The following MED27 variants were observed in gnomAD, a reference collection of about 807,000 sequenced individuals.
MED27 encodes the protein mediator complex subunit 27.
Under a neutral mutation model 38.2 loss-of-function variants are expected in MED27, and 30 were observed. The ratio of observed to expected loss-of-function variants is 0.79; its 90% CI spans 0.59 to 1.07. The LOEUF is 1.07. MED27 is among the 50% of genes least tolerant of loss of function. MED27 has a pLI of 0.00. For missense variants in MED27, 289 were observed against 397.5 expected, an observed-to-expected ratio of 0.73 and a Z score of 2.32; for synonymous variants, 122 against 153.5, an observed-to-expected ratio of 0.79 and a Z score of 1.52.
intron 3 of MED27, 101 bp downstream of exon 3, chr9:132,014,236 G>C: frequency 7.7e-7 from 1 of 1,292,080 alleles, no homozygotes; most frequent in Non-Finnish European, 1.1e-6. Context: ...AAGGGAGGGA[G>C]GGAATTTTGA....
At chr9:132,072,346 T>C (rs1207205467) in intron 2 of MED27, among the ~76,000 whole-genome samples, 2 of 152,148 alleles carry the variant, frequency 1.3e-5, no homozygotes, top group Non-Finnish European at 2.9e-5. Flanking sequence ...TTTTTTCCCT[T>C]GTATCAAGGG....
chr9:132,039,449 C>G (rs1171320298), intron 2 of MED27, among the ~76,000 whole-genome samples: 1 of 152,182 alleles, frequency 6.6e-6, no homozygotes, highest in African/African-American at 2.4e-5. Context: ...CATGGTGCCC[C>G]GCACATGGCA....
Position 131,862,998 on chromosome 9 carries a change from C to T in MED27, c.801+65G>A. The T allele has an allele frequency of 7.0e-7, 1 of 1,423,586 alleles. No individual in the cohort carries two copies. The highest frequency in any genetic ancestry group is 1.2e-5 in the South Asian group (1 of 85,508). 88.2% of individuals were successfully genotyped at this position (1,423,586 alleles called of 1,614,324 possible). On this transcript the variant is annotated intron_variant, in intron 7 of 7. Coordinates refer to ENST00000292035, the MANE Select transcript of MED27 (RefSeq NM_004269.4). This position sits in a 1 kb window ranked among gnomAD's most constrained non-coding sequence, Gnocchi z 4.6. ...GAAGATGCAACGGCTGCCCTTCAAG[C>T]TCCCTGTTCTCACTTGAAGGGAGCT...
chr9:131,865,527 G>A (rs981360914), intron 6 of MED27, among the ~76,000 whole-genome samples: 2 of 152,214 alleles, frequency 1.3e-5, no homozygotes, highest in African/African-American at 4.8e-5. Flanking sequence ...AGTTTCTGGA[G>A]AATTCTTTCC....
intron 3 of MED27, among the ~76,000 whole-genome samples, chr9:132,006,547 T>C (rs1023985747): frequency 1.3e-5 from 2 of 152,066 alleles, no homozygotes; most frequent in African/African-American, 4.8e-5. Context: ...ATCAAGTCCC[T>C]GCAAGGACAC....
At chr9:131,891,641 T>C (rs1839230730) in intron 5 of MED27, among the ~76,000 whole-genome samples, 1 of 152,122 alleles carries the variant, frequency 6.6e-6, no homozygotes, top group Admixed American at 6.5e-5. Flanking sequence ...TCTATTAATA[T>C]CCTACTTTCC....
rs972928238 is a variant in MED27 at position 131,982,430 on chromosome 9, C to A, written c.479+31907G>T. Reference sequence around the variant, plus strand: ...CTGACAAGATCAGGAGTAGAATCACCCAGCTGGGCCAGACCAGACTACACA... The same window carrying A: ...CTGACAAGATCAGGAGTAGAATCACACAGCTGGGCCAGACCAGACTACACA... On this transcript the variant is annotated intron_variant, in intron 3 of 7. Transcript: ENST00000292035. The surrounding 1 kb of genome is among the most constrained non-coding windows in gnomAD (Gnocchi z 4.3). 6.6e-6 allele frequency among the ~76,000 whole-genome samples: 1 copy of A among 152,108 alleles called. No individual in the cohort carries two copies. Among genetic ancestry groups the A allele is most frequent in the African/African-American group, 2.4e-5 (1 of 41,396 alleles).
At chr9:131,895,202 G>A (rs1261252945) in intron 4 of MED27, among the ~76,000 whole-genome samples, 2 of 152,190 alleles carry the variant, frequency 1.3e-5, no homozygotes, top group African/African-American at 2.4e-5. Context: ...AGGGGCTCAC[G>A]TAACTCTTCT....
chr9:131,891,251 G>A (rs1157631030), intron 5 of MED27, among the ~76,000 whole-genome samples: 2 of 152,222 alleles, frequency 1.3e-5, no homozygotes, highest in African/African-American at 4.8e-5. Context: ...TGTCATGGAA[G>A]CTACAGGGAG....
chr9:131,941,817 A>ATTTT (rs766438800), intron 3 of MED27, among the ~76,000 whole-genome samples: 1,401 of 82,454 alleles, frequency 0.017, 209 homozygotes, highest in African/African-American at 0.069. Flanking sequence ...ATTCTGCTGA[A>ATTTT]TTTTTTTTTT....
chr9:132,042,324 T>C (rs1389126540), intron 2 of MED27, among the ~76,000 whole-genome samples: 4 of 152,244 alleles, frequency 2.6e-5, no homozygotes, highest in Admixed American at 2.6e-4. Context: ...TATTTATACA[T>C]TGTATAAACT....
At chr9:132,052,989 C>G (rs1200675806) in intron 2 of MED27, among the ~76,000 whole-genome samples, 1 of 151,656 alleles carries the variant, frequency 6.6e-6, no homozygotes, top group African/African-American at 2.4e-5. Context: ...CGGGGTGGCT[C>G]ATGCCTGTAA....
At chr9:131,930,693 TAGTG>T (rs1191182964) in intron 4 of MED27, among the ~76,000 whole-genome samples, 1 of 152,152 alleles carries the variant, frequency 6.6e-6, no homozygotes, top group Non-Finnish European at 1.5e-5. Context: ...TTGCTGGTAA[TAGTG>T]AGCACACAGA....
At chr9:131,924,311 C>T (rs1056624711) in intron 4 of MED27, among the ~76,000 whole-genome samples, 14 of 152,052 alleles carry the variant, frequency 9.2e-5, no homozygotes, top group African/African-American at 3.4e-4. Context: ...TTTTAATTCG[C>T]ATTTCCCTAA....
At chr9:132,060,459 C>T (rs533548702) in intron 2 of MED27, among the ~76,000 whole-genome samples, 1 of 152,304 alleles carries the variant, frequency 6.6e-6, no homozygotes, top group Non-Finnish European at 1.5e-5. Flanking sequence ...GACAAATGTG[C>T]AGAGAGACGG....
intron 2 of MED27, among the ~76,000 whole-genome samples, chr9:132,025,540 T>C: frequency 6.6e-6 from 1 of 152,228 alleles, no homozygotes; most frequent in East Asian, 1.9e-4. Flanking sequence ...CTACTACTCT[T>C]AATCTAATTA....
At chr9:132,041,510 C>T (rs923078741) in intron 2 of MED27, among the ~76,000 whole-genome samples, 17 of 152,118 alleles carry the variant, frequency 1.1e-4, no homozygotes, top group Non-Finnish European at 2.2e-4. Context: ...ATCATGCTAC[C>T]GACTGCAGCG....
intron 3 of MED27, among the ~76,000 whole-genome samples, chr9:131,985,428 A>G (rs1018000141): frequency 6.6e-6 from 1 of 152,226 alleles, no homozygotes; most frequent in African/African-American, 2.4e-5. Flanking sequence ...CAAGTGTCGC[A>G]TAACAGTGTT....
rs141959124 is a variant in MED27, at chr9:131,865,386, G to A, written c.724-2246C>T. Among the ~76,000 whole-genome samples, 210 of 152,290 alleles carry A rather than the reference G, an allele frequency of 1.4e-3. 1 individual carries two copies. The highest frequency in any genetic ancestry group is 4.6e-3 in the African/African-American group (190 of 41,554). ...AAACACAGCAAAGCAAACTGGGCTC[G>A]AACGGTCCCCGAACTTGAACGCTTG... On this transcript the variant is annotated intron_variant, in intron 6 of 7. Transcript: ENST00000292035.
Sources: allele counts gnomAD v4.1 joint callset (sites outside exome capture counted in the v4.1 genomes callset), GRCh38; gene constraint gnomAD v4.1.1; non-coding constraint Gnocchi (gnomAD v3.1); transcripts MANE v1.5; gene names NCBI Gene and HGNC (gene_info 2026-07-23, HGNC 2026-07-21).